Variants in RNF150 observed in about 807,000 individuals in gnomAD.
RNF150 encodes the protein ring finger protein 150.
Under a neutral mutation model 39.3 loss-of-function variants are expected in RNF150, and 24 were observed. That is an observed-to-expected ratio of 0.61 (90% CI 0.44 to 0.86). The LOEUF is 0.86. Among genes scored for constraint, RNF150 ranks in the 40% least tolerant of loss-of-function variants. The pLI, the probability that RNF150 is intolerant of heterozygous loss-of-function variation, is 0.00. For missense variants in RNF150, 502 were observed against 587.8 expected, an observed-to-expected ratio of 0.85 and a Z score of 1.51; for synonymous variants, 255 against 227.3, an observed-to-expected ratio of 1.12 and a Z score of -1.10.
chr4:141,146,685 A>G (rs1302881888), intron 1 of RNF150, among the ~76,000 whole-genome samples: 1 of 152,196 alleles, frequency 6.6e-6, no homozygotes, highest in African/African-American at 2.4e-5. Context: ...CCAAGTTGCC[A>G]TTGAATATTA....
rs775387134 is a variant in RNF150, at chr4:141,151,437, CACACACACACACACACACACACACAG to C, written c.-6+61331_-6+61356del. ...ACACACACACACACACACACACACA[CACACACACACACACACACACACACAG>C]ACACACACACAAATTTAAGTCAATA... On this transcript the variant is annotated intron_variant, in intron 1 of 7. Coordinates refer to the RNF150 transcript ENST00000420921. Among the ~76,000 whole-genome samples, 255 of 101,678 alleles carry C rather than the reference CACACACACACACACACACACACACAG, an allele frequency of 2.5e-3. 3 individuals carry two copies. The highest frequency in any genetic ancestry group is 4.9e-3 in the Admixed American group (39 of 7,884). 66.7% of individuals were successfully genotyped at this position (101,678 alleles called of 152,430 possible). A position where few individuals can be genotyped will look rare whatever the true frequency, so the allele number is the denominator to read the frequency against.
intron 1 of RNF150, among the ~76,000 whole-genome samples, chr4:141,200,195 C>G (rs902136670): frequency 5.9e-5 from 9 of 152,162 alleles, no homozygotes; most frequent in Admixed American, 5.9e-4. Flanking sequence ...TGGGTGGACT[C>G]TGATGAGGGC....
intron 1 of RNF150, among the ~76,000 whole-genome samples, chr4:141,202,805 G>T (rs1247687262): frequency 6.6e-6 from 1 of 151,624 alleles, no homozygotes; most frequent in South Asian, 2.1e-4. Context: ...AATTTCAAAA[G>T]TCTTTAGGGG....
intron 5 of RNF150, 103 bp from the exon 6 acceptor site, chr4:140,911,457 T>C: frequency 2.2e-6 from 2 of 901,884 alleles, no homozygotes; most frequent in Non-Finnish European, 3.3e-6. Context: ...TTAAGTTCTT[T>C]ATTGTTTACT....
chr4:141,066,476 A>C (rs1344125145), intron 1 of RNF150, among the ~76,000 whole-genome samples: 1 of 152,104 alleles, frequency 6.6e-6, no homozygotes, highest in Non-Finnish European at 1.5e-5. Context: ...TTTTTCAGTG[A>C]GTTTACACTT....
At chr4:141,164,443 A>C (rs1727566657) in intron 1 of RNF150, among the ~76,000 whole-genome samples, 1 of 152,164 alleles carries the variant, frequency 6.6e-6, no homozygotes, top group Non-Finnish European at 1.5e-5. Flanking sequence ...AAATTCAGTA[A>C]ATACGGAGAA....
intron 6 of RNF150, among the ~76,000 whole-genome samples, chr4:140,908,570 A>G (rs1279907687): frequency 6.6e-6 from 1 of 152,070 alleles, no homozygotes; most frequent in African/African-American, 2.4e-5. Context: ...TCTGTTATGA[A>G]CAGAAGGTCT....
At position 141,033,773 on chromosome 4, in the gene RNF150, A is replaced by G. The variant is rs905737770; in HGVS notation, c.485-65900T>C. 3.9e-5 allele frequency among the ~76,000 whole-genome samples: 6 copies of G among 152,216 alleles called. No homozygotes were observed. In the East Asian group the frequency reaches 1.2e-3, roughly 29 times the overall value. On this transcript the variant is annotated intron_variant, in intron 1 of 6. Transcript: ENST00000515673. Reference sequence around the variant, plus strand: ...TGGGTAACCAGGCGCATTGTCAATGAGCAATCATATTTTGAAAGAAGTCTT... The same window carrying G: ...TGGGTAACCAGGCGCATTGTCAATGGGCAATCATATTTTGAAAGAAGTCTT...
chr4:141,167,239 G>A (rs557966247), intron 1 of RNF150, among the ~76,000 whole-genome samples: 70 of 152,192 alleles, frequency 4.6e-4, no homozygotes, highest in African/African-American at 1.7e-3. Context: ...AACTTACAAG[G>A]GATGTGAAAG....
In RNF150 at chr4:140,921,790, C is replaced by T. The variant is rs1731163048; in HGVS notation, c.987+4187G>A. Among the ~76,000 whole-genome samples, 4 of 152,256 alleles carry T rather than the reference C, an allele frequency of 2.6e-5. No individual in the cohort carries two copies. In the South Asian group the frequency reaches 6.2e-4, roughly 24 times the overall value. ...CCACTAAGATCAAGTGGGCTTCATC[C>T]CTGGGATGCAAGGCTGGTTCAACAT... On this transcript the variant is annotated intron_variant, in intron 5 of 6. Coordinates refer to ENST00000515673, the MANE Select transcript of RNF150 (RefSeq NM_020724.2).
chr4:141,107,615 G>C (rs12509440), intron 1 of RNF150, among the ~76,000 whole-genome samples: 116,956 of 152,056 alleles, frequency 0.77, 46,020 homozygotes, highest in East Asian at 0.88. Flanking sequence ...AATGGTGCTC[G>C]GGCAACAAAG....
chr4:140,992,645 A>C (rs1734235415), intron 1 of RNF150, among the ~76,000 whole-genome samples: 1 of 152,108 alleles, frequency 6.6e-6, no homozygotes, highest in Non-Finnish European at 1.5e-5. Context: ...GGATATGACA[A>C]GGCTTTCTAA....
intron 1 of RNF150, among the ~76,000 whole-genome samples, chr4:141,201,810 T>C (rs1039716235): frequency 6.6e-6 from 1 of 152,176 alleles, no homozygotes; most frequent in Non-Finnish European, 1.5e-5. Flanking sequence ...AGCTTGACTT[T>C]AGAAACCTTG....
intron 6 of RNF150, among the ~76,000 whole-genome samples, chr4:140,882,106 A>G (rs1578926549): frequency 6.7e-6 from 1 of 148,882 alleles, no homozygotes; most frequent in African/African-American, 2.5e-5. Context: ...TGCAAGCTCC[A>G]CCTCCCAGGT....
intron 1 of RNF150, among the ~76,000 whole-genome samples, chr4:141,081,811 C>T (rs1738160041): frequency 6.6e-6 from 1 of 152,188 alleles, no homozygotes; most frequent in Admixed American, 6.5e-5. Flanking sequence ...TACTCTGATT[C>T]CTTCAACAGT....
chr4:141,133,080 T>A lies in RNF150; in HGVS notation c.-272A>T. ...CGCGGGAACAGAGGGCCCGCGGGGC[T>A]TGCGGAGGAGTCCTGCTGCCGAGCG... On this transcript the variant is annotated 5_prime_UTR_variant, in exon 1 of 7. It adds an upstream start codon to the 5' untranslated region. Coordinates refer to ENST00000515673, the MANE Select transcript of RNF150 (RefSeq NM_020724.2). 1 of 382,840 alleles carries A rather than the reference T, an allele frequency of 2.6e-6. No individual in the cohort carries two copies. Among genetic ancestry groups the A allele is most frequent in the South Asian group, 2.7e-5 (1 of 37,536 alleles). 23.7% of individuals were successfully genotyped at this position (382,840 alleles called of 1,614,324 possible). A position where few individuals can be genotyped will look rare whatever the true frequency, so the allele number is the denominator to read the frequency against.
rs1289544001 is a variant in RNF150, at chr4:141,064,160, T to TGTA, written c.484+68164_484+68165insTAC. On this transcript the variant is annotated intron_variant, in intron 1 of 6. Transcript: ENST00000515673. ...ATATATTAAACATTTGCTTAACTAA[T>TGTA]ACAGTGCTTGCAACAACCTTATGAA... Among the ~76,000 whole-genome samples the TGTA allele has an allele frequency of 5.3e-5, 8 of 152,332 alleles. No individual in the cohort carries two copies. The East Asian group carries it at 1.3e-3, about 26-fold the overall frequency.
chr4:141,016,330 A>C (rs1735271333), intron 1 of RNF150, among the ~76,000 whole-genome samples: 1 of 152,188 alleles, frequency 6.6e-6, no homozygotes, highest in Non-Finnish European at 1.5e-5. Flanking sequence ...CATAAGACAC[A>C]CCCACTTGCA....
At chr4:140,947,839 C>T (rs1211561813) in intron 3 of RNF150, 103 bp from the exon 4 acceptor site, 24 of 699,200 alleles carry the variant, frequency 3.4e-5, no homozygotes, top group Non-Finnish European at 5.2e-5. Flanking sequence ...CAAAGCTTTC[C>T]GCTGTGCTGG....
Sources: gnomAD v4.1 joint callset for allele counts (sites outside exome capture counted in the v4.1 genomes callset) on GRCh38, gnomAD v4.1.1 for gene constraint, MANE v1.5 for transcripts, NCBI Gene and HGNC (gene_info 2026-07-23, HGNC 2026-07-21) for gene names.